Variants in GRIN2B observed in about 807,000 individuals in gnomAD.
GRIN2B encodes the protein glutamate receptor ionotropic, NMDA 2B.
In GRIN2B, 5 loss-of-function variants were observed where a neutral mutation model predicts 114.5. The observed-to-expected ratio is 0.04, with a 90% CI of 0.02 to 0.09. The LOEUF (loss-of-function observed/expected upper bound fraction) is 0.09, where lower values mean the gene tolerates loss of function less well. Among genes scored for constraint, GRIN2B ranks in the 10% least tolerant of loss-of-function variants. GRIN2B has a pLI of 1.00. For missense variants in GRIN2B, 1,108 were observed against 1,943.5 expected (o/e 0.57, Z 8.08); for synonymous variants, 787 against 745.1 (o/e 1.06, Z -0.92).
intron 5 of GRIN2B, among the ~76,000 whole-genome samples, chr12:13,659,075 G>A (rs535634672): frequency 1.6e-4 from 24 of 152,106 alleles, no homozygotes; most frequent in African/African-American, 4.1e-4. Context: ...TATCCCCTCC[G>A]TGGAGAACAT....
intron 3 of GRIN2B, among the ~76,000 whole-genome samples, chr12:13,824,855 C>CAAAA (rs34417194): frequency 2.2e-4 from 21 of 95,110 alleles, no homozygotes; most frequent in South Asian, 1.9e-3. Context: ...GACTCCATTT[C>CAAAA]AAAAAAAAAA....
At chr12:13,694,387 G>A (rs1323485697) in intron 4 of GRIN2B, among the ~76,000 whole-genome samples, 2 of 151,990 alleles carry the variant, frequency 1.3e-5, no homozygotes, top group Non-Finnish European at 2.9e-5. Context: ...TGAACCCTAT[G>A]ATGTGTCAGG....
chr12:13,918,757 G>A (rs1198550596), intron 2 of GRIN2B, among the ~76,000 whole-genome samples: 1 of 152,152 alleles, frequency 6.6e-6, no homozygotes, highest in Non-Finnish European at 1.5e-5. Context: ...TGAAGTTGAG[G>A]TCTCTTTTTT....
At chr12:13,973,778 A>G (rs1862971645) in intron 2 of GRIN2B, among the ~76,000 whole-genome samples, 1 of 152,252 alleles carries the variant, frequency 6.6e-6, no homozygotes, top group African/African-American at 2.4e-5. Flanking sequence ...TGAAACAAAT[A>G]CAAACCACAA....
At chr12:13,917,856 C>T (rs1422498182) in intron 2 of GRIN2B, among the ~76,000 whole-genome samples, 1 of 152,014 alleles carries the variant, frequency 6.6e-6, no homozygotes, top group Non-Finnish European at 1.5e-5. Context: ...TTTTATTATA[C>T]TATATGCTAG....
At position 13,900,360 on chromosome 12, in the gene GRIN2B, A is replaced by C. The variant is rs1032973925; in HGVS notation, c.-18-34134T>G. Among the ~76,000 whole-genome samples the C allele has an allele frequency of 3.3e-5, 5 of 152,018 alleles. No homozygotes were observed. In the East Asian group the frequency reaches 9.7e-4, roughly 29 times the overall value. On this transcript the variant is annotated intron_variant, in intron 2 of 13. Transcript: ENST00000609686. ...CATGGTGGTGGACGCCTATAATCCC[A>C]GCTACACAGGAGGCCAAGGCAGGAG... is the stretch of plus-strand genomic sequence containing the variant.
intron 2 of GRIN2B, among the ~76,000 whole-genome samples, chr12:13,964,704 T>C (rs896901027): frequency 3.9e-5 from 6 of 152,168 alleles, no homozygotes; most frequent in African/African-American, 1.4e-4. Flanking sequence ...ATTTTGGGAA[T>C]TGCTGCTTCA....
chr12:13,921,475 G>C (rs1866822514), intron 2 of GRIN2B, among the ~76,000 whole-genome samples: 1 of 152,120 alleles, frequency 6.6e-6, no homozygotes, highest in African/African-American at 2.4e-5. Context: ...CTTGCAGAAG[G>C]CTACTTTACC....
chr12:13,642,807 G>C (rs955960379), intron 5 of GRIN2B, among the ~76,000 whole-genome samples: 5 of 152,280 alleles, frequency 3.3e-5, no homozygotes, highest in South Asian at 2.1e-4. Context: ...TGAAAAATGA[G>C]GAAACTGAAG....
intron 2 of GRIN2B, among the ~76,000 whole-genome samples, chr12:13,902,680 C>G (rs1441860070): frequency 6.6e-6 from 1 of 152,026 alleles, no homozygotes; most frequent in Non-Finnish European, 1.5e-5. Context: ...GTGTGGTGGC[C>G]TGCGCCTGTA....
At chr12:13,599,005 G>C (rs555217152) in intron 10 of GRIN2B, among the ~76,000 whole-genome samples, 73 of 152,290 alleles carry the variant, frequency 4.8e-4, no homozygotes, top group African/African-American at 1.7e-3. Context: ...CGGCTTGCCT[G>C]CTCGTTTTCT....
chr12:13,748,206 A>C (rs1339841555), intron 4 of GRIN2B, among the ~76,000 whole-genome samples: 1 of 152,214 alleles, frequency 6.6e-6, no homozygotes, highest in Non-Finnish European at 1.5e-5. Context: ...GTAATTAGGC[A>C]AGATTCATAA....
intron 10 of GRIN2B, among the ~76,000 whole-genome samples, chr12:13,607,531 G>A (rs1349560859): frequency 7.4e-6 from 1 of 134,278 alleles, no homozygotes; most frequent in Non-Finnish European, 1.5e-5. Flanking sequence ...GCTTTTGAAT[G>A]TTCTTGATAA....
chr12:13,672,502 C>A (rs1473836594), intron 5 of GRIN2B, among the ~76,000 whole-genome samples: 4 of 152,116 alleles, frequency 2.6e-5, no homozygotes, highest in African/African-American at 4.8e-5. Context: ...ACGAGGATAA[C>A]AGTGGAAGGA....
chr12:13,665,989 ATAT>A (rs1949970674), intron 5 of GRIN2B, among the ~76,000 whole-genome samples: 1 of 152,206 alleles, frequency 6.6e-6, no homozygotes. Context: ...AAACGAGTAC[ATAT>A]TATTTCAGGA....
rs566627818 is a variant in GRIN2B, at chr12:13,797,192, C to T, written c.412-43277G>A. 4.6e-5 allele frequency among the ~76,000 whole-genome samples: 7 copies of T among 152,228 alleles called. No homozygotes were observed. The South Asian group carries it at 1.2e-3, about 27-fold the overall frequency. ...ATCAATGTCTTATGAGAGCCCATTT[C>T]CTGGTTTACAGATGATGCCTTCCTC... On this transcript the variant is annotated intron_variant, in intron 3 of 13. Transcript: ENST00000609686.
intron 5 of GRIN2B, among the ~76,000 whole-genome samples, chr12:13,647,806 C>T (rs921460094): frequency 3.3e-5 from 5 of 152,050 alleles, no homozygotes; most frequent in Non-Finnish European, 7.4e-5. Flanking sequence ...GAGCCTCTCA[C>T]CAGGAATACC....
At chr12:13,742,500 G>A (rs979759066) in intron 4 of GRIN2B, among the ~76,000 whole-genome samples, 3 of 152,040 alleles carry the variant, frequency 2.0e-5, no homozygotes, top group Non-Finnish European at 4.4e-5. Context: ...GCATGATCTC[G>A]GCTCACTGAA....
At chr12:13,787,735 G>T (rs1254186134) in intron 3 of GRIN2B, among the ~76,000 whole-genome samples, 2 of 152,170 alleles carry the variant, frequency 1.3e-5, no homozygotes, top group African/African-American at 4.8e-5. Context: ...AGGCCAGTGG[G>T]AGCCATCTTT....
Sources: allele counts gnomAD v4.1 joint callset (sites outside exome capture counted in the v4.1 genomes callset), GRCh38; gene constraint gnomAD v4.1.1; transcripts MANE v1.5; gene names NCBI Gene and HGNC (gene_info 2026-07-23, HGNC 2026-07-21).